Variants in TLL2 observed in about 807,000 individuals in gnomAD.
TLL2 encodes the protein tolloid-like protein 2.
In TLL2, 106 loss-of-function variants were observed where a neutral mutation model predicts 123.0. The observed-to-expected ratio is 0.86, with a 90% CI of 0.74 to 1.01. The LOEUF (loss-of-function observed/expected upper bound fraction) is 1.01. TLL2 is among the 50% of genes least tolerant of loss of function. The probability of loss-of-function intolerance (pLI) is 0.00; values close to 1 mark genes in which losing one functional copy is unlikely to be tolerated. For synonymous variants in TLL2, 494 were observed against 516.8 expected, an observed-to-expected ratio of 0.96 and a Z score of 0.60; for missense variants, 1,332 against 1,336.7, an observed-to-expected ratio of 1.00 and a Z score of 0.06.
chr10:96,486,280 A>G (rs7915905), intron 1 of TLL2, among the ~76,000 whole-genome samples: 149,087 of 152,324 alleles, frequency 0.98, 73,034 homozygotes, highest in Middle Eastern at 1. Flanking sequence ...TGCTGAAACC[A>G]AAAGAAAACA....
chr10:96,480,882 C>A (rs1036495847), intron 1 of TLL2, among the ~76,000 whole-genome samples: 10 of 152,194 alleles, frequency 6.6e-5, no homozygotes, highest in Admixed American at 1.3e-4. Context: ...GATTATAGCT[C>A]ACTGCCCCAT....
chr10:96,380,906 GGCGGAGATTGCGGTGA>G (rs1226455531), intron 16 of TLL2, among the ~76,000 whole-genome samples: 9 of 151,700 alleles, frequency 5.9e-5, no homozygotes, highest in African/African-American at 1.9e-4. Context: ...GAAGCCAGGA[GGCGGAGATTGCGGTGA>G]GCGGAGATTG....
intron 2 of TLL2, among the ~76,000 whole-genome samples, chr10:96,476,904 A>G (rs1332309843): frequency 1.3e-5 from 2 of 151,622 alleles, no homozygotes; most frequent in Non-Finnish European, 2.9e-5. Context: ...ACACGCAAAC[A>G]TGCACACACA....
At chr10:96,434,365 C>T (rs553523087) in intron 3 of TLL2, among the ~76,000 whole-genome samples, 3 of 152,294 alleles carry the variant, frequency 2.0e-5, no homozygotes, top group Non-Finnish European at 4.4e-5. Context: ...CTCCCTTTCC[C>T]GAGACCTTGG....
chr10:96,389,873 C>T (rs936708914), intron 13 of TLL2, among the ~76,000 whole-genome samples: 3 of 152,360 alleles, frequency 2.0e-5, no homozygotes, highest in East Asian at 1.9e-4. Flanking sequence ...GAAAGGCATG[C>T]TTTTACACCT....
intron 1 of TLL2, among the ~76,000 whole-genome samples, chr10:96,488,411 C>T (rs1349667942): frequency 6.6e-6 from 1 of 152,240 alleles, no homozygotes; most frequent in African/African-American, 2.4e-5. Context: ...TCCTAGCCCA[C>T]CTCAAGGCCC....
intron 10 of TLL2, among the ~76,000 whole-genome samples, chr10:96,402,703 T>C (rs1481878770): frequency 6.6e-6 from 1 of 152,182 alleles, no homozygotes; most frequent in Non-Finnish European, 1.5e-5. Flanking sequence ...CTTGTCTACC[T>C]GGACAGCTGA....
rs1846330679 is a variant in TLL2 at position 96,395,380 on chromosome 10, A to G, written c.1533T>C (p.Ile511=). The change falls in exon 13 of 21, where the codon ATT becomes ATC. Residue 511 remains isoleucine, a splice_region_variant and synonymous_variant. Transcript: ENST00000357947. ...CATATGCACAGCTGTCGTGCCTTTC[A>G]ATCTAAAGGAAGAAACAGAGGCAAG... The part of the protein sequence containing the change: ...HVGLTFQAFE[I]ERHDSCAYDY... 6.3e-7 allele frequency: 1 copy of G among 1,578,684 alleles called. No individual in the cohort carries two copies. Among genetic ancestry groups the G allele is most frequent in the Admixed American group, 1.9e-5 (1 of 53,816 alleles).
intron 8 of TLL2, 36 bp downstream of exon 8, chr10:96,413,156 A>G: frequency 6.2e-7 from 1 of 1,611,380 alleles, no homozygotes; most frequent in Admixed American, 1.7e-5. Context: ...TGGAGATGCT[A>G]GGGAGGTGCT....
intron 1 of TLL2, among the ~76,000 whole-genome samples, chr10:96,491,119 G>A (rs1441793383): frequency 1.3e-5 from 2 of 152,114 alleles, no homozygotes; most frequent in African/African-American, 2.4e-5. Context: ...GGTGGCTTTC[G>A]CCTATAATCC....
At chr10:96,465,950 C>T (rs1051661611) in intron 2 of TLL2, among the ~76,000 whole-genome samples, 1 of 152,136 alleles carries the variant, frequency 6.6e-6, no homozygotes, top group Admixed American at 6.5e-5. Context: ...TAAATGTTGG[C>T]AGTAAATTAA....
intron 1 of TLL2, among the ~76,000 whole-genome samples, chr10:96,504,744 C>T (rs1022700661): frequency 2.0e-5 from 3 of 152,182 alleles, no homozygotes; most frequent in African/African-American, 7.2e-5. Context: ...CAGTGGCTCA[C>T]ACCTGTAATC....
Position 96,477,390 on chromosome 10 carries a change from C to T in TLL2, c.286+2959G>A, listed in dbSNP as rs566863109. On this transcript the variant is annotated intron_variant, in intron 2 of 20. Coordinates refer to ENST00000357947, the MANE Select transcript of TLL2 (RefSeq NM_012465.4). ...TTTGAGACAGAGTCTTGCTCTGTCG[C>T]CCAGGCTGGAGTGCAGTGGCGTGAT... 4.0e-5 allele frequency among the ~76,000 whole-genome samples: 6 copies of T among 151,278 alleles called. No individual in the cohort carries two copies. The South Asian group carries it at 1.3e-3, about 32-fold the overall frequency.
intron 13 of TLL2, among the ~76,000 whole-genome samples, chr10:96,388,344 T>C (rs1589408864): frequency 1.3e-5 from 2 of 152,168 alleles, no homozygotes; most frequent in Middle Eastern, 6.8e-3. Flanking sequence ...GAGGTTGCAG[T>C]GAGCTGAGAT....
intron 15 of TLL2, 57 bp downstream of exon 15, chr10:96,385,998 C>T: frequency 6.9e-7 from 1 of 1,446,730 alleles, no homozygotes; most frequent in Non-Finnish European, 9.2e-7. Flanking sequence ...TCACTGGTTT[C>T]CAGCTCTGAG....
intron 2 of TLL2, among the ~76,000 whole-genome samples, chr10:96,462,147 C>G (rs947106106): frequency 2.6e-5 from 4 of 152,092 alleles, no homozygotes; most frequent in Admixed American, 2.6e-4. Context: ...TATTGTTATC[C>G]CCATTTTACA....
At chr10:96,481,997 C>T (rs968226909) in intron 1 of TLL2, among the ~76,000 whole-genome samples, 6 of 152,242 alleles carry the variant, frequency 3.9e-5, no homozygotes, top group African/African-American at 1.4e-4. Flanking sequence ...GTGGCTCACG[C>T]CTGTAATCCC....
chr10:96,390,551 G>A (rs1846277027), intron 13 of TLL2, among the ~76,000 whole-genome samples: 1 of 152,252 alleles, frequency 6.6e-6, no homozygotes, highest in Non-Finnish European at 1.5e-5. Flanking sequence ...CCAGGATCAG[G>A]CGCCAGCTGG....
chr10:96,495,693 G>T (rs978262588), intron 1 of TLL2, among the ~76,000 whole-genome samples: 1 of 152,092 alleles, frequency 6.6e-6, no homozygotes, highest in Non-Finnish European at 1.5e-5. Flanking sequence ...GAGGGGAGAG[G>T]TTCGGGCTCT....
Sources: allele counts gnomAD v4.1 joint callset (sites outside exome capture counted in the v4.1 genomes callset), GRCh38; gene constraint gnomAD v4.1.1; transcripts MANE v1.5; gene names NCBI Gene and HGNC (gene_info 2026-07-23, HGNC 2026-07-21).